The following TCF4 variants were observed in gnomAD, a reference collection of about 807,000 sequenced individuals.
The protein encoded by TCF4 is SL3-3 enhancer factor 2.
Under a neutral mutation model 82.1 loss-of-function variants are expected in TCF4, and 3 were observed. That is an observed-to-expected ratio of 0.04 (90% CI 0.02 to 0.09). TCF4 has a LOEUF of 0.09. Ranked by LOEUF, TCF4 falls within the 10% of genes least tolerant of loss-of-function variation. The pLI, the probability that TCF4 is intolerant of heterozygous loss-of-function variation, is 1.00. For synonymous variants in TCF4, 276 were observed against 309.6 expected (o/e 0.89, Z 1.14); for missense variants, 518 against 852.7 (o/e 0.61, Z 4.89).
chr18:55,309,245 G>A (rs1184022684), intron 8 of TCF4, among the ~76,000 whole-genome samples: 4 of 151,644 alleles, frequency 2.6e-5, no homozygotes, highest in Admixed American at 2.6e-4. Flanking sequence ...CTAAGTAGCT[G>A]GGACTATAGA....
chr18:55,258,876 G>A (rs558382516), intron 13 of TCF4, among the ~76,000 whole-genome samples: 3 of 152,224 alleles, frequency 2.0e-5, no homozygotes, highest in South Asian at 2.1e-4. Context: ...CAGGGGGAAC[G>A]TTTGATTATC....
intron 16 of TCF4, among the ~76,000 whole-genome samples, chr18:55,233,160 C>T (rs1011949427): frequency 1.8e-4 from 28 of 152,296 alleles, no homozygotes; most frequent in Non-Finnish European, 4.4e-5. Flanking sequence ...AAGTAATCAG[C>T]ATTTTAAAAT....
chr18:55,238,248 A>C (rs1375643169), intron 15 of TCF4, among the ~76,000 whole-genome samples: 1 of 152,240 alleles, frequency 6.6e-6, no homozygotes, highest in Non-Finnish European at 1.5e-5. Flanking sequence ...AGCTTATGAA[A>C]ATTTTATTAA....
rs569110122 is a variant in TCF4, at chr18:55,371,914, A to C, written c.370-20911T>G. 5.9e-5 allele frequency among the ~76,000 whole-genome samples: 9 copies of C among 152,354 alleles called. No homozygotes were observed. The South Asian group carries it at 8.3e-4, about 14-fold the overall frequency. On this transcript the variant is annotated intron_variant, in intron 6 of 19. Coordinates refer to ENST00000354452, the MANE Select transcript of TCF4 (RefSeq NM_001083962.2). ...TATACATAGCAGATGATGCAAATTT[A>C]GCCAATGGATTAATGGAGAAATAAA...
At chr18:55,261,329 G>C in intron 12 of TCF4, 137 bp downstream of exon 12, 2 of 1,038,488 alleles carry the variant, frequency 1.9e-6, no homozygotes, top group Admixed American at 1.7e-5. Context: ...TCCAGTGACT[G>C]TTATGCAAGA....
chr18:55,543,393 G>C (rs960976713), intron 3 of TCF4, among the ~76,000 whole-genome samples: 1 of 151,992 alleles, frequency 6.6e-6, no homozygotes, highest in Non-Finnish European at 1.5e-5. Flanking sequence ...ACAAAGATAA[G>C]GCTTCTCCTT....
chr18:55,497,908 A>T (rs1301811864), intron 3 of TCF4, among the ~76,000 whole-genome samples: 2 of 152,234 alleles, frequency 1.3e-5, no homozygotes, highest in African/African-American at 4.8e-5. Context: ...ATTCATTATG[A>T]TCAGTGCTAC....
rs1321175142 is a variant in TCF4 at position 55,309,291 on chromosome 18, T to G, written c.550-29635A>C. Among the ~76,000 whole-genome samples, 9 of 151,938 alleles carry G rather than the reference T, an allele frequency of 5.9e-5. No homozygotes were observed. In the East Asian group the frequency reaches 1.4e-3, roughly 23 times the overall value. On this transcript the variant is annotated intron_variant, in intron 8 of 19. Coordinates refer to ENST00000354452, the MANE Select transcript of TCF4 (RefSeq NM_001083962.2). ...CATGCCTGGCTAATTTTTTTTTTTTTTTTAACTTTTTCTAGAGACAGGGTG... is the reference window on the plus strand; with the variant it reads ...CATGCCTGGCTAATTTTTTTTTTTTGTTTAACTTTTTCTAGAGACAGGGTG...
At chr18:55,416,259 C>G (rs537714505) in intron 5 of TCF4, among the ~76,000 whole-genome samples, 116 of 152,162 alleles carry the variant, frequency 7.6e-4, no homozygotes, top group African/African-American at 2.7e-3. Flanking sequence ...AAAAAATTAA[C>G]TCATAAAAGC....
At chr18:55,330,972 A>G (rs1334469909) in intron 8 of TCF4, among the ~76,000 whole-genome samples, 2 of 152,108 alleles carry the variant, frequency 1.3e-5, no homozygotes, top group Non-Finnish European at 2.9e-5. Flanking sequence ...TGACCATATA[A>G]CCTTTGTTCC....
chr18:55,307,691 A>T (rs1023462176), intron 8 of TCF4, among the ~76,000 whole-genome samples: 15 of 152,336 alleles, frequency 9.8e-5, no homozygotes, highest in Non-Finnish European at 1.8e-4. Context: ...ACAGGAACTA[A>T]ACGTGGCACA....
exon 1 of TCF4, chr18:55,635,723 A>T (rs977371404): frequency 6.5e-7 from 1 of 1,550,086 alleles, no homozygotes; most frequent in African/African-American, 1.4e-5. Context: ...CTCCTGGAGA[A>T]GCTCGAGTAG....
chr18:55,240,211 G>T (rs944124583), intron 15 of TCF4, among the ~76,000 whole-genome samples: 1 of 152,032 alleles, frequency 6.6e-6, no homozygotes, highest in African/African-American at 2.4e-5. Flanking sequence ...GATTTTTTTG[G>T]TTTTTAGAAA....
chr18:55,297,052 CAT>C (rs758055214), intron 8 of TCF4, among the ~76,000 whole-genome samples: 25 of 150,804 alleles, frequency 1.7e-4, no homozygotes, highest in Non-Finnish European at 3.2e-4. Flanking sequence ...AAGCTTAATT[CAT>C]ATGTTTCTGA....
intron 3 of TCF4, among the ~76,000 whole-genome samples, chr18:55,582,731 T>A (rs1037663870): frequency 1.3e-5 from 2 of 152,150 alleles, no homozygotes; most frequent in Non-Finnish European, 2.9e-5. Flanking sequence ...ATTATTACCA[T>A]GCCTCACTTT....
intron 3 of TCF4, among the ~76,000 whole-genome samples, chr18:55,539,733 C>T (rs1424063516): frequency 1.3e-5 from 2 of 151,846 alleles, no homozygotes. Flanking sequence ...AGTGTTAATA[C>T]AGACAAAAAT....
At chr18:55,458,681 C>T (rs557568746) in intron 5 of TCF4, among the ~76,000 whole-genome samples, 2 of 152,190 alleles carry the variant, frequency 1.3e-5, no homozygotes, top group East Asian at 1.9e-4. Context: ...CCTTCAGATA[C>T]GCAAGCCAAT....
chr18:55,520,827 A>G (rs927960706), intron 3 of TCF4, among the ~76,000 whole-genome samples: 1 of 152,188 alleles, frequency 6.6e-6, no homozygotes, highest in Non-Finnish European at 1.5e-5. Flanking sequence ...TTTTATTCCT[A>G]TTACCAGTTA....
chr18:55,567,441 T>C (rs2097419633), intron 3 of TCF4, among the ~76,000 whole-genome samples: 1 of 152,208 alleles, frequency 6.6e-6, no homozygotes, highest in Non-Finnish European at 1.5e-5. Flanking sequence ...ATTTCGAATA[T>C]TAGCAAATGT....
Sources: allele counts gnomAD v4.1 joint callset (sites outside exome capture counted in the v4.1 genomes callset), GRCh38; gene constraint gnomAD v4.1.1; transcripts MANE v1.5; gene names NCBI Gene and HGNC (gene_info 2026-07-23, HGNC 2026-07-21).